The following GABRA2 variants were observed in gnomAD, a reference collection of about 807,000 sequenced individuals.
GABRA2 encodes gamma-aminobutyric acid type A receptor subunit alpha2, also known as gamma-aminobutyric acid receptor subunit alpha-2.
GABRA2 carries 16 observed loss-of-function variants against 48.7 expected under a neutral mutation model. The observed-to-expected ratio is 0.33, with a 90% CI of 0.22 to 0.50. GABRA2 has a LOEUF of 0.50. Ranked by LOEUF, GABRA2 falls within the 20% of genes least tolerant of loss-of-function variation. The probability of loss-of-function intolerance (pLI) is 0.98; values close to 1 mark genes in which losing one functional copy is unlikely to be tolerated. For missense variants in GABRA2, 275 were observed against 535.6 expected, an observed-to-expected ratio of 0.51 and a Z score of 4.80; for synonymous variants, 185 against 184.5, an observed-to-expected ratio of 1.00 and a Z score of -0.02.
At chr4:46,322,185 G>T (rs924382790) in intron 4 of GABRA2, among the ~76,000 whole-genome samples, 1 of 151,938 alleles carries the variant, frequency 6.6e-6, no homozygotes, top group Non-Finnish European at 1.5e-5. Context: ...TGTGAAAAAG[G>T]CATGGAAAAG....
chr4:46,256,401 A>G, intron 9 of GABRA2: 1 of 520,598 alleles, frequency 1.9e-6, no homozygotes, highest in South Asian at 2.9e-5. Flanking sequence ...TATGAAATCC[A>G]TTATTGCGTT....
At chr4:46,301,706 T>C (rs1031348361) in intron 8 of GABRA2, among the ~76,000 whole-genome samples, 1 of 152,362 alleles carries the variant, frequency 6.6e-6, no homozygotes, top group African/African-American at 2.4e-5. Flanking sequence ...ATCCATGCTG[T>C]TGTTTTCTAT....
Position 46,247,027 on chromosome 4 carries a change from G to A in GABRA2, c.*3281C>T, listed in dbSNP as rs548726799. Among the ~76,000 whole-genome samples, 2 of 151,014 alleles carry A rather than the reference G, an allele frequency of 1.3e-5. No individual in the cohort carries two copies. Among genetic ancestry groups the A allele is most frequent in the African/African-American group, 2.4e-5 (1 of 41,384 alleles). The stretch of plus-strand genomic sequence containing the variant: ...GCAAATTATACTTACCAAATAATGA[G>A]AGTAAAATAATAGATTCTGGGTTGT... On this transcript the variant is annotated 3_prime_UTR_variant, in exon 10 of 10. Coordinates refer to ENST00000381620, the MANE Select transcript of GABRA2 (RefSeq NM_000807.4).
chr4:46,317,182 A>G (rs553895381), intron 4 of GABRA2, among the ~76,000 whole-genome samples: 12 of 152,030 alleles, frequency 7.9e-5, no homozygotes, highest in East Asian at 5.8e-4. Flanking sequence ...TGAAATTTCA[A>G]TGAAAGTCAC....
At chr4:46,360,785 T>C (rs904834966) in intron 3 of GABRA2, among the ~76,000 whole-genome samples, 1 of 152,230 alleles carries the variant, frequency 6.6e-6, no homozygotes, top group African/African-American at 2.4e-5. Flanking sequence ...ACTAAAATGC[T>C]GATAATGATA....
In GABRA2 at chr4:46,269,448, G is replaced by A. The variant is rs550869065; in HGVS notation, c.857-7320C>T. On this transcript the variant is annotated intron_variant, in intron 8 of 9. Coordinates refer to ENST00000381620, the MANE Select transcript of GABRA2 (RefSeq NM_000807.4). ...TGATATAGAAATAGTTTGAAAAGTT[G>A]TTGAATACCTACATGATAAATACCA... is the stretch of plus-strand genomic sequence containing the variant. 2.6e-5 allele frequency among the ~76,000 whole-genome samples: 4 copies of A among 151,946 alleles called. No individual in the cohort carries two copies. In the South Asian group the frequency reaches 8.3e-4, roughly 31 times the overall value.
intron 3 of GABRA2, among the ~76,000 whole-genome samples, chr4:46,337,744 T>C (rs552285590): frequency 6.6e-6 from 1 of 151,762 alleles, no homozygotes; most frequent in South Asian, 2.1e-4. Context: ...GGATAGGCCC[T>C]TTGGTTTGAC....
intron 3 of GABRA2, among the ~76,000 whole-genome samples, chr4:46,353,928 G>A (rs1273069802): frequency 6.6e-6 from 1 of 151,870 alleles, no homozygotes; most frequent in Non-Finnish European, 1.5e-5. Flanking sequence ...AAATTCACAG[G>A]GGCAGGAATC....
intron 3 of GABRA2, among the ~76,000 whole-genome samples, chr4:46,356,802 GA>G (rs1169672583): frequency 6.6e-6 from 1 of 152,068 alleles, no homozygotes; most frequent in Non-Finnish European, 1.5e-5. Flanking sequence ...CCCTAGAGGG[GA>G]CATTATTCAC....
chr4:46,362,419 A>G (rs1713355322), intron 3 of GABRA2, among the ~76,000 whole-genome samples: 1 of 152,094 alleles, frequency 6.6e-6, no homozygotes, highest in Non-Finnish European at 1.5e-5. Context: ...ATTAAAGTCC[A>G]TTAAACCTCT....
rs150357574 is a variant in GABRA2, at chr4:46,362,670, A to C, written c.187+23404T>G. 7.2e-3 allele frequency among the ~76,000 whole-genome samples: 1,101 copies of C among 152,348 alleles called. 6 individuals are homozygous for C. The highest frequency in any genetic ancestry group is 0.025 in the African/African-American group (1,020 of 41,582). On this transcript the variant is annotated intron_variant, in intron 3 of 9. Coordinates refer to ENST00000381620, the MANE Select transcript of GABRA2 (RefSeq NM_000807.4). ...TGGTGGTAACAGAACCACAAAAAGCAACTAAGTAAATGATTTGGGATTATG... is the reference window on the plus strand; with the variant it reads ...TGGTGGTAACAGAACCACAAAAAGCCACTAAGTAAATGATTTGGGATTATG...
At chr4:46,303,995 C>T (rs976037843) in intron 7 of GABRA2, among the ~76,000 whole-genome samples, 6 of 152,034 alleles carry the variant, frequency 3.9e-5, no homozygotes, top group African/African-American at 1.4e-4. Flanking sequence ...CTTTGAGCAT[C>T]ATGTCAGCAC....
intron 9 of GABRA2, among the ~76,000 whole-genome samples, chr4:46,258,817 A>T (rs370605954): frequency 6.6e-6 from 1 of 151,860 alleles, no homozygotes; most frequent in Non-Finnish European, 1.5e-5. Context: ...TAGGAAAATT[A>T]TTTTCAGATC....
At chr4:46,333,391 C>G (rs547348065) in intron 3 of GABRA2, among the ~76,000 whole-genome samples, 1 of 151,726 alleles carries the variant, frequency 6.6e-6, no homozygotes, top group East Asian at 1.9e-4. Flanking sequence ...TTTAAATAAG[C>G]CAAATAGTGA....
At chr4:46,378,014 GC>G (rs1716160040) in intron 3 of GABRA2, among the ~76,000 whole-genome samples, 1 of 146,726 alleles carries the variant, frequency 6.8e-6, no homozygotes, top group South Asian at 2.2e-4. Flanking sequence ...CCGGCCAGCC[GC>G]CCCGTCCGGG....
intron 3 of GABRA2, among the ~76,000 whole-genome samples, chr4:46,335,001 A>G (rs999219547): frequency 3.9e-5 from 6 of 152,178 alleles, no homozygotes; most frequent in Non-Finnish European, 8.8e-5. Flanking sequence ...CAGAGCTGTA[A>G]ACAACCAACA....
intron 6 of GABRA2, among the ~76,000 whole-genome samples, chr4:46,308,870 GAA>G (rs3836613): frequency 9.5e-5 from 14 of 147,900 alleles, no homozygotes; most frequent in East Asian, 6.0e-4. Flanking sequence ...CTTGTCAACT[GAA>G]AAAAAAAAAG....
chr4:46,377,246 T>C (rs984099122), intron 3 of GABRA2, among the ~76,000 whole-genome samples: 1 of 147,754 alleles, frequency 6.8e-6, no homozygotes, highest in Non-Finnish European at 1.5e-5. Flanking sequence ...GTCTGGAAAG[T>C]GAGGAGCATC....
intron 3 of GABRA2, among the ~76,000 whole-genome samples, chr4:46,333,664 G>A (rs279830): frequency 0.41 from 61,688 of 151,816 alleles, 13,089 homozygotes; most frequent in East Asian, 0.56. Context: ...TTGATAAAAC[G>A]GGGTAGACTT....
Sources: allele counts gnomAD v4.1 joint callset (sites outside exome capture counted in the v4.1 genomes callset), GRCh38; gene constraint gnomAD v4.1.1; transcripts MANE v1.5; gene names NCBI Gene and HGNC (gene_info 2026-07-23, HGNC 2026-07-21).